Variants in ZFYVE28 observed in about 807,000 individuals in gnomAD.
The protein encoded by ZFYVE28 is zinc finger FYVE-type containing 28.
In ZFYVE28, 40 loss-of-function variants were observed where a neutral mutation model predicts 82.1. The ratio of observed to expected loss-of-function variants is 0.49; its 90% confidence interval spans 0.38 to 0.63. The LOEUF (loss-of-function observed/expected upper bound fraction) is 0.63. Ranked by LOEUF, ZFYVE28 falls within the 30% of genes least tolerant of loss-of-function variation. ZFYVE28 has a pLI of 0.00. For missense variants in ZFYVE28, 1,321 were observed against 1,242.1 expected (o/e 1.06, Z -0.96); for synonymous variants, 612 against 546.1 (o/e 1.12, Z -1.68).
chr4:2,313,359 C>T (rs866549105), intron 7 of ZFYVE28, among the ~76,000 whole-genome samples: 3 of 151,990 alleles, frequency 2.0e-5, no homozygotes, highest in African/African-American at 7.3e-5. Context: ...CTCCTGGGCT[C>T]AAGCCATCCT....
chr4:2,299,522 C>T (rs993313135), intron 8 of ZFYVE28, among the ~76,000 whole-genome samples: 3 of 143,306 alleles, frequency 2.1e-5, no homozygotes, highest in Non-Finnish European at 4.5e-5. Context: ...GGGAGGCTAA[C>T]ACAGGAGGAC....
chr4:2,371,908 G>A (rs1341369035), intron 1 of ZFYVE28, among the ~76,000 whole-genome samples: 1 of 152,098 alleles, frequency 6.6e-6, no homozygotes, highest in Admixed American at 6.5e-5. Context: ...TTGGGCTCCA[G>A]GGCCGTGAGC....
At chr4:2,279,606 T>A (rs187694343) in intron 8 of ZFYVE28, among the ~76,000 whole-genome samples, 3 of 151,822 alleles carry the variant, frequency 2.0e-5, no homozygotes, top group Non-Finnish European at 2.9e-5. Flanking sequence ...GATGAAACCC[T>A]GTCTCTACTA....
At chr4:2,376,119 C>T (rs1163289696) in intron 1 of ZFYVE28, among the ~76,000 whole-genome samples, 6 of 151,828 alleles carry the variant, frequency 4.0e-5, no homozygotes, top group South Asian at 4.2e-4. Flanking sequence ...GTGATCCGCC[C>T]GCCTCGGCCT....
rs1310950660 is a variant in ZFYVE28, at chr4:2,304,465, C to T, written c.1875G>A (p.Glu625=). Residue 625 remains glutamate, a synonymous_variant, in exon 8 of 13, where the codon GAG becomes GAA. Transcript: ENST00000290974. ...PPSEDASNGR[E]PKAPTSDKCL... ...ACTTGTCGGAAGTGGGGGCTTTGGG[C>T]TCCCGCCCGTTGGAGGCATCTTCTG... is the stretch of plus-strand genomic sequence containing the variant. The T allele has an allele frequency of 7.4e-6, 12 of 1,613,364 alleles. No homozygotes were observed. The South Asian group carries it at 1.1e-4, about 15-fold the overall frequency.
Position 2,305,398 on chromosome 4 carries a change from G to T in ZFYVE28, c.942C>A (p.Leu314=), listed in dbSNP as rs143836367. ...AALAPALSAP[L]PPEGPLSAKA... is the part of the protein sequence containing the mutation. The stretch of plus-strand genomic sequence containing the variant: ...TAGCTGAGAGTGGCCCCTCAGGGGG[G>T]AGAGGGGCAGAGAGGGCAGGCGCCA... Residue 314 remains leucine (L), a synonymous_variant, in exon 8 of 13, where the codon CTC becomes CTA. Transcript: ENST00000290974. 1 of 1,612,608 alleles carries T rather than the reference G, an allele frequency of 6.2e-7. No homozygotes were observed. The highest frequency in any genetic ancestry group is 8.5e-7 in the Non-Finnish European group (1 of 1,179,844).
At chr4:2,323,204 C>CA (rs1279711240) in intron 6 of ZFYVE28, among the ~76,000 whole-genome samples, 1 of 152,176 alleles carries the variant, frequency 6.6e-6, no homozygotes, top group Non-Finnish European at 1.5e-5. Context: ...CACGCTCTCC[C>CA]CACGTATTCT....
intron 1 of ZFYVE28, among the ~76,000 whole-genome samples, chr4:2,392,648 T>C (rs545119782): frequency 1.3e-5 from 2 of 152,218 alleles, no homozygotes; most frequent in East Asian, 3.8e-4. Flanking sequence ...CATATTAAAT[T>C]ATTTAAATAC....
rs1733181704 is a variant in ZFYVE28, at chr4:2,417,342, G to A, written c.39+943C>T. ...GAACACCGCCGCGCCTTCATCCCGC[G>A]CCGAGCGCGCCCGGCCCTGCTCCGG... On this transcript the variant is annotated intron_variant, in intron 1 of 12. Transcript: ENST00000290974. The surrounding 1 kb of genome is among the most constrained non-coding windows in gnomAD (Gnocchi z 4.8). 1.3e-5 allele frequency among the ~76,000 whole-genome samples: 2 copies of A among 151,916 alleles called. No individual in the cohort carries two copies. Among genetic ancestry groups the A allele is most frequent in the South Asian group, 4.1e-4 (2 of 4,830 alleles).
At chr4:2,329,100 C>T (rs1720300114) in intron 6 of ZFYVE28, 1 of 699,260 alleles carries the variant, frequency 1.4e-6, no homozygotes, top group East Asian at 2.7e-5. Context: ...CTATTTAGGG[C>T]CCATTGCAGT....
At position 2,335,599 on chromosome 4, in the gene ZFYVE28, C is replaced by A; in HGVS notation, c.701+106G>T. The A allele has an allele frequency of 9.3e-7, 1 of 1,070,600 alleles. No individual in the cohort carries two copies. The highest frequency in any genetic ancestry group is 1.4e-6 in the Non-Finnish European group (1 of 729,510). 66.3% of individuals were successfully genotyped at this position (1,070,600 alleles called of 1,614,324 possible). On this transcript the variant is annotated intron_variant, in intron 6 of 12. Transcript: ENST00000290974. The surrounding 1 kb of genome is among the most constrained non-coding windows in gnomAD (Gnocchi z 5.8). Reference sequence around the variant, plus strand: ...CTGATCGGGACAGCTGAGCGGCCACCGTGAGGTGGAGACGCCATGGACCGG... The same window carrying A: ...CTGATCGGGACAGCTGAGCGGCCACAGTGAGGTGGAGACGCCATGGACCGG...
intron 6 of ZFYVE28, chr4:2,330,958 G>T: frequency 5.9e-6 from 9 of 1,535,358 alleles, no homozygotes; most frequent in Non-Finnish European, 7.8e-6. Context: ...GTGGATGGGT[G>T]AGGGCCCCTG....
At chr4:2,308,683 G>GAAATAAAGAAAGAGAAAGAAAGA (rs1553830772) in intron 7 of ZFYVE28, among the ~76,000 whole-genome samples, 2 of 81,442 alleles carry the variant, frequency 2.5e-5, no homozygotes, top group Non-Finnish European at 4.9e-5. Flanking sequence ...GAAAGAGAAA[G>GAAATAAAGAAAGAGAAAGAAAGA]AAAGAAAAGA....
rs570251737 is a variant in ZFYVE28, at chr4:2,291,263, T to C, written c.2051+13026A>G. 2.6e-5 allele frequency among the ~76,000 whole-genome samples: 4 copies of C among 152,236 alleles called. No individual in the cohort carries two copies. The South Asian group carries it at 8.3e-4, about 32-fold the overall frequency. On this transcript the variant is annotated intron_variant, in intron 8 of 12. Transcript: ENST00000290974. Reference sequence around the variant, plus strand: ...CCTCTTGCTTTCGGCTCAGTGAAGGTGGGAGGAGATGCTTGGCTTTCGAGA... The same window carrying C: ...CCTCTTGCTTTCGGCTCAGTGAAGGCGGGAGGAGATGCTTGGCTTTCGAGA...
intron 7 of ZFYVE28, among the ~76,000 whole-genome samples, chr4:2,311,615 A>G (rs934542136): frequency 6.6e-6 from 1 of 151,992 alleles, no homozygotes; most frequent in Non-Finnish European, 1.5e-5. Context: ...TATTTTTATT[A>G]TTTCTTTTCT....
chr4:2,389,841 A>G (rs79465423), intron 1 of ZFYVE28, among the ~76,000 whole-genome samples: 1,804 of 152,248 alleles, frequency 0.012, 34 homozygotes, highest in African/African-American at 0.042. Flanking sequence ...TACTCTCAGC[A>G]GGAAAACACA....
rs954787386 is a variant in ZFYVE28 at position 2,385,455 on chromosome 4, C to T, written c.40-31382G>A. ...CAGAGCTGCTGTCTCCTGACCCCGG[C>T]CTGCCAAAGTTGGGATTTGAGACTA... On this transcript the variant is annotated intron_variant, in intron 1 of 12. Coordinates refer to ENST00000290974, the MANE Select transcript of ZFYVE28 (RefSeq NM_020972.3). Among the ~76,000 whole-genome samples, 4 of 152,214 alleles carry T rather than the reference C, an allele frequency of 2.6e-5. No individual in the cohort carries two copies. In the South Asian group the frequency reaches 6.2e-4, roughly 24 times the overall value.
Position 2,273,199 on chromosome 4 carries a change from G to C in ZFYVE28, c.2297C>G (p.Thr766Arg), listed in dbSNP as rs751983942. ...LFEVMATKPE[T>R]DDKEKLRKVT... ...CTTCCTTAACTTTTCCTTGTCGTCT[G>C]TTTCAGGCTTGGTGGCCATGACCTC... Residue 766 changes from threonine to arginine, a missense_variant, in exon 10 of 13, where the codon ACA (threonine) becomes AGA (arginine). This residue lies in a region of ZFYVE28 where 978 missense variants were observed against 833.7 expected (regional missense o/e 1.17). Coordinates refer to ENST00000290974, the MANE Select transcript of ZFYVE28 (RefSeq NM_020972.3). The C allele has an allele frequency of 1.6e-5, 26 of 1,613,802 alleles. No homozygotes were observed. Among genetic ancestry groups the C allele is most frequent in the Non-Finnish European group, 2.1e-5 (25 of 1,179,904 alleles).
At chr4:2,397,420 G>C (rs1730592708) in intron 1 of ZFYVE28, among the ~76,000 whole-genome samples, 1 of 149,766 alleles carries the variant, frequency 6.7e-6, no homozygotes, top group East Asian at 2.0e-4. Flanking sequence ...GGAGCTTGCA[G>C]TGAGCTGAGA....
Sources: gnomAD v4.1 joint callset for allele counts (sites outside exome capture counted in the v4.1 genomes callset) on GRCh38, gnomAD v4.1.1 for gene constraint, gnomAD v4.1.1 regional missense constraint, Gnocchi (gnomAD v3.1) non-coding constraint, MANE v1.5 for transcripts, NCBI Gene and HGNC (gene_info 2026-07-23, HGNC 2026-07-21) for gene names.